ATRNL1: variants seen among roughly 807,000 people sequenced by gnomAD.
The protein encoded by ATRNL1 is attractin like 1.
Under a neutral mutation model 182.7 loss-of-function variants are expected in ATRNL1, and 95 were observed. That is an observed-to-expected ratio of 0.52 (90% CI 0.44 to 0.62). ATRNL1 has a LOEUF of 0.62. ATRNL1 is among the 20% of genes least tolerant of loss of function. The pLI, the probability that ATRNL1 is intolerant of heterozygous loss-of-function variation, is 0.00. For synonymous variants in ATRNL1, 576 were observed against 568.3 expected (o/e 1.01, Z -0.19); for missense variants, 1,471 against 1,679.5 (o/e 0.88, Z 2.17).
chr10:115,516,381 C>CT (rs1850637398), intron 24 of ATRNL1, among the ~76,000 whole-genome samples: 1 of 151,694 alleles, frequency 6.6e-6, no homozygotes, highest in Non-Finnish European at 1.5e-5. Context: ...ACTTCTCTCT[C>CT]TAAATTATGT....
chr10:115,754,959 G>A (rs1374936959), intron 27 of ATRNL1, among the ~76,000 whole-genome samples: 10 of 152,064 alleles, frequency 6.6e-5, no homozygotes, highest in Admixed American at 5.2e-4. Context: ...CTCATGATTT[G>A]GCTCTCTGTT....
At chr10:115,516,363 G>A (rs73373315) in intron 24 of ATRNL1, among the ~76,000 whole-genome samples, 4,212 of 151,676 alleles carry the variant, frequency 0.028, 225 homozygotes, top group African/African-American at 0.097. Flanking sequence ...CCTTCAGCAC[G>A]TCTCCTCACT....
intron 26 of ATRNL1, among the ~76,000 whole-genome samples, chr10:115,606,869 A>G (rs1385005837): frequency 1.3e-5 from 2 of 151,980 alleles, no homozygotes; most frequent in Non-Finnish European, 2.9e-5. Flanking sequence ...ATGAACAATG[A>G]TTGTACACAG....
intron 21 of ATRNL1, among the ~76,000 whole-genome samples, chr10:115,444,825 G>A (rs1554966333): frequency 1.3e-5 from 2 of 151,650 alleles, no homozygotes; most frequent in African/African-American, 2.4e-5. Flanking sequence ...TCCGCCTCTC[G>A]GGTTCATGCG....
In ATRNL1 at chr10:115,922,833, G is replaced by A. The variant is rs1254007107; in HGVS notation, c.4019-21825G>A. On this transcript the variant is annotated intron_variant, in intron 28 of 28. Transcript: ENST00000355044. ...TAGAGGAAAGAGCAATATGTTAAGA[G>A]GAGAAGAAATAAATTTATTTCTATA... 2.0e-5 allele frequency among the ~76,000 whole-genome samples: 3 copies of A among 149,676 alleles called. No homozygotes were observed. The East Asian group carries it at 5.8e-4, about 29-fold the overall frequency.
chr10:115,763,784 TTTTGTATTTAAAAATGTATGTATG>T (rs1193863152), intron 27 of ATRNL1, among the ~76,000 whole-genome samples: 2 of 152,182 alleles, frequency 1.3e-5, no homozygotes, highest in Admixed American at 1.3e-4. Context: ...TTATATGTAT[TTTTGTATTTAAAAATGTATGTATG>T]TTTAAAACTT....
At chr10:115,854,259 T>C (rs782029187) in intron 28 of ATRNL1, among the ~76,000 whole-genome samples, 3 of 152,214 alleles carry the variant, frequency 2.0e-5, no homozygotes, top group Non-Finnish European at 1.5e-5. Flanking sequence ...AAATGCCCTT[T>C]CCTCAATTCT....
intron 24 of ATRNL1, among the ~76,000 whole-genome samples, chr10:115,494,571 A>G (rs1849453700): frequency 6.6e-6 from 1 of 152,102 alleles, no homozygotes. Context: ...TTTAATTGAA[A>G]GCTTTTTCTT....
intron 19 of ATRNL1, among the ~76,000 whole-genome samples, chr10:115,383,378 C>T (rs1176250890): frequency 2.0e-5 from 3 of 151,738 alleles, no homozygotes; most frequent in African/African-American, 7.3e-5. Context: ...AGAAAATCTT[C>T]ATATCTTTGT....
chr10:115,280,630 A>G (rs541550105), intron 13 of ATRNL1, among the ~76,000 whole-genome samples: 1 of 152,196 alleles, frequency 6.6e-6, no homozygotes, highest in Non-Finnish European at 1.5e-5. Flanking sequence ...GTTTTGCTGC[A>G]GAGAAGAACT....
intron 24 of ATRNL1, among the ~76,000 whole-genome samples, chr10:115,501,850 C>T (rs184974892): frequency 6.6e-6 from 1 of 152,230 alleles, no homozygotes; most frequent in African/African-American, 2.4e-5. Context: ...CATTTATGAA[C>T]ATATCAGCTC....
At chr10:115,684,108 G>C (rs1040805704) in intron 26 of ATRNL1, among the ~76,000 whole-genome samples, 1 of 151,566 alleles carries the variant, frequency 6.6e-6, no homozygotes, top group Non-Finnish European at 1.5e-5. Flanking sequence ...TTATTACATA[G>C]TAGTTTAATT....
intron 28 of ATRNL1, among the ~76,000 whole-genome samples, chr10:115,917,493 A>AG (rs1176628631): frequency 1.3e-5 from 2 of 150,496 alleles, no homozygotes. Flanking sequence ...AAAGAAAAAA[A>AG]AAACGGGGCC....
At chr10:115,508,063 A>G (rs1554981722) in intron 24 of ATRNL1, among the ~76,000 whole-genome samples, 1 of 152,038 alleles carries the variant, frequency 6.6e-6, no homozygotes, top group African/African-American at 2.4e-5. Context: ...AATTTTTCCA[A>G]TATCATGTAC....
At chr10:115,331,046 T>C (rs1554934898) in intron 18 of ATRNL1, among the ~76,000 whole-genome samples, 1 of 133,638 alleles carries the variant, frequency 7.5e-6, no homozygotes, top group African/African-American at 2.8e-5. Context: ...GTCATTCTGC[T>C]ATTGATGCCC....
chr10:115,584,542 T>TGTTTGTAGTATTCTCTGATGGTA (rs1855373143), intron 26 of ATRNL1, among the ~76,000 whole-genome samples: 1 of 137,616 alleles, frequency 7.3e-6, no homozygotes, highest in East Asian at 2.6e-4. Flanking sequence ...TGCATAGAGG[T>TGTTTGTAGTATTCTCTGATGGTA]GTTTGTAGTA....
At chr10:115,872,376 AT>A (rs1565451704) in intron 28 of ATRNL1, among the ~76,000 whole-genome samples, 2 of 152,206 alleles carry the variant, frequency 1.3e-5, no homozygotes, top group African/African-American at 4.8e-5. Context: ...GTACTGTCCA[AT>A]TCCAACGTTT....
rs566316972 is a variant in ATRNL1 at position 115,241,567 on chromosome 10, G to C, written c.1533-4G>C. Reference sequence around the variant, plus strand: ...GTAATACATTTTTAAATTTTATTCTGTAGGACTATTTTGAAAGAAAGTGGG... The same window carrying C: ...GTAATACATTTTTAAATTTTATTCTCTAGGACTATTTTGAAAGAAAGTGGG... On this transcript the variant is annotated splice_polypyrimidine_tract_variant and splice_region_variant and intron_variant, in intron 9 of 28. Transcript: ENST00000355044. 2 of 1,587,740 alleles carry C rather than the reference G, an allele frequency of 1.3e-6. No homozygotes were observed. The highest frequency in any genetic ancestry group is 1.7e-6 in the Non-Finnish European group (2 of 1,161,390).
At chr10:115,724,759 T>G (rs1260034030) in intron 26 of ATRNL1, among the ~76,000 whole-genome samples, 1 of 152,054 alleles carries the variant, frequency 6.6e-6, no homozygotes, top group Non-Finnish European at 1.5e-5. Flanking sequence ...AGCTAAAAAG[T>G]GGAGAAACTG....
Sources: allele counts gnomAD v4.1 joint callset (sites outside exome capture counted in the v4.1 genomes callset), GRCh38; gene constraint gnomAD v4.1.1; transcripts MANE v1.5; gene names NCBI Gene and HGNC (gene_info 2026-07-23, HGNC 2026-07-21).